The following ZNF680 variants were observed in gnomAD, a reference collection of about 807,000 sequenced individuals.
The protein encoded by ZNF680 is zinc finger protein 680.
ZNF680 carries 6 observed loss-of-function variants against 12.1 expected under a neutral mutation model. The ratio of observed to expected loss-of-function variants is 0.49; its 90% confidence interval spans 0.27 to 0.98. The LOEUF is 0.98. ZNF680 is among the 50% of genes least tolerant of loss of function. The probability of loss-of-function intolerance (pLI) is 0.12; values close to 1 mark genes in which losing one functional copy is unlikely to be tolerated. For missense variants in ZNF680, 561 were observed against 616.3 expected, an observed-to-expected ratio of 0.91 and a Z score of 0.95; for synonymous variants, 170 against 199.3, an observed-to-expected ratio of 0.85 and a Z score of 1.24.
Position 64,521,104 on chromosome 7 carries a change from T to G in ZNF680, c.*57A>C. On this transcript the variant is annotated 3_prime_UTR_variant, in exon 4 of 4. Transcript: ENST00000309683. ...ACAATCATTGGAAGGCTTTGTCAAA[T>G]TCTTCACATTTTTAGGGTTTCTCAA... The G allele has an allele frequency of 6.7e-6, 10 of 1,497,292 alleles. No homozygotes were observed. The highest frequency in any genetic ancestry group is 8.1e-6 in the Non-Finnish European group (9 of 1,113,574). The allele number at this position is 1,497,292 out of a possible 1,614,324, so 92.8% of individuals were successfully genotyped here. A position where few individuals can be genotyped will look rare whatever the true frequency, so the allele number is the denominator to read the frequency against.
the ZNF680 span, among the ~76,000 whole-genome samples, chr7:64,499,500 G>A: frequency 4.9e-4 from 74 of 152,348 alleles, no homozygotes; most frequent in African/African-American, 1.7e-3. Context: ...GCTGACGCCT[G>A]TAATCCCAAC....
At chr7:64,515,050 A>T (rs1041619768), downstream of ZNF680, among the ~76,000 whole-genome samples, 667 of 142,570 alleles carry the variant, frequency 4.7e-3, 12 homozygotes, top group African/African-American at 0.017. Context: ...TCACACACAC[A>T]CACACACACA....
At chr7:64,558,764 T>C (rs1584414078) in intron 1 of ZNF680, among the ~76,000 whole-genome samples, 1 of 150,646 alleles carries the variant, frequency 6.6e-6, no homozygotes, top group Non-Finnish European at 1.5e-5. Flanking sequence ...TTGCAAAGTT[T>C]AGGCAGAAAA....
intron 3 of ZNF680, chr7:64,525,067 TAAG>T (rs1366282908): frequency 6.6e-6 from 1 of 150,742 alleles, no homozygotes; most frequent in East Asian, 1.9e-4. Context: ...TATAAAGTCT[TAAG>T]AGATAATAAA....
chr7:64,527,674 A>C (rs1249593288), intron 3 of ZNF680, among the ~76,000 whole-genome samples: 1 of 152,058 alleles, frequency 6.6e-6, no homozygotes, highest in African/African-American at 2.4e-5. Flanking sequence ...CGGCCTGAGC[A>C]ACAACAGCAA....
intron 1 of ZNF680, among the ~76,000 whole-genome samples, chr7:64,553,285 T>C (rs993207377): frequency 3.3e-5 from 5 of 152,224 alleles, no homozygotes; most frequent in African/African-American, 4.8e-5. Context: ...TAATATGATT[T>C]ATATGATTTA....
At chr7:64,517,671 AAC>A (rs1791382430), downstream of ZNF680, among the ~76,000 whole-genome samples, 2 of 152,066 alleles carry the variant, frequency 1.3e-5, no homozygotes, top group African/African-American at 2.4e-5. Context: ...TGACCTAATG[AAC>A]ACAGAGGCTA....
chr7:64,545,095 C>G (rs2116496050), intron 1 of ZNF680, among the ~76,000 whole-genome samples: 1 of 151,296 alleles, frequency 6.6e-6, no homozygotes, highest in East Asian at 1.9e-4. Flanking sequence ...CCCATCTCTA[C>G]TAAAAAAAAA....
the ZNF680 span, among the ~76,000 whole-genome samples, chr7:64,507,284 G>T: frequency 1.3e-5 from 2 of 152,102 alleles, no homozygotes; most frequent in Non-Finnish European, 2.9e-5. Context: ...CCAGAGACTG[G>T]GGGTGGTTGG....
intron 3 of ZNF680, among the ~76,000 whole-genome samples, chr7:64,534,625 T>C (rs1411951789): frequency 3.3e-5 from 5 of 152,104 alleles, no homozygotes; most frequent in Admixed American, 6.6e-5. Context: ...GAACTAAAGG[T>C]AGAACTACCA....
At chr7:64,561,934 C>CCAAAAAAAAAAAAAAAAAAAAAAAA (rs1787763076) in intron 1 of ZNF680, among the ~76,000 whole-genome samples, 1 of 80,320 alleles carries the variant, frequency 1.2e-5, no homozygotes, top group East Asian at 2.8e-4. Context: ...GACTCCGTCT[C>CCAAAAAAAAAAAAAAAAAAAAAAAA]AAAAAAAAAA....
chr7:64,543,317 A>G (rs1162371555), intron 3 of ZNF680, among the ~76,000 whole-genome samples: 1 of 152,208 alleles, frequency 6.6e-6, no homozygotes, highest in Admixed American at 6.5e-5. Context: ...AAAAAAATGG[A>G]AAAGAAACCA....
chr7:64,500,866 G>A, the ZNF680 span: 1 of 521,650 alleles, frequency 1.9e-6, no homozygotes, highest in Non-Finnish European at 3.7e-6. Context: ...CTCGCTCCAT[G>A]AACTCCCATG....
Position 64,522,429 on chromosome 7 carries a change from G to T in ZNF680, c.325C>A (p.Leu109Met). The change falls in exon 4 of 4, where the codon CTG becomes ATG. Residue 109 changes from leucine to methionine, a missense_variant. Physicochemically the swap from Leu to Met is conservative, Grantham distance 15. Coordinates refer to ENST00000309683, the MANE Select transcript of ZNF680 (RefSeq NM_178558.5). ...TGTCCACATTTTCCATATCCTCTCA[G>T]TATCACTTTTTGAAAAGAATCTTTT... ...SIKDSFQKVI[L>M]RGYGKCGHEN... 6.2e-7 allele frequency: 1 copy of T among 1,602,998 alleles called. No homozygotes were observed. The highest frequency in any genetic ancestry group is 8.5e-7 in the Non-Finnish European group (1 of 1,175,970).
chr7:64,521,220 G>C lies in ZNF680; in HGVS notation c.1534C>G (p.His512Asp). 1 of 1,613,364 alleles carries C rather than the reference G, an allele frequency of 6.2e-7. No individual in the cohort carries two copies. The highest frequency in any genetic ancestry group is 8.5e-7 in the Non-Finnish European group (1 of 1,179,510). The stretch of plus-strand genomic sequence containing the variant: ...GGTTTGTAGAGTTTCTCACCAGTAT[G>C]AATTTTCTTATGTCTAGTAAGGTGT... ...SSHLTRHKKI[H>D]TGEKLYKPEK... is the part of the protein sequence containing the mutation. Residue 512 changes from histidine to aspartate, a missense_variant, in exon 4 of 4, where the codon CAT becomes GAT. Coordinates refer to ENST00000309683, the MANE Select transcript of ZNF680 (RefSeq NM_178558.5).
intron 1 of ZNF680, among the ~76,000 whole-genome samples, chr7:64,561,428 C>T (rs976014196): frequency 1.3e-5 from 2 of 152,054 alleles, no homozygotes; most frequent in African/African-American, 4.8e-5. Context: ...ATAAAGTTTC[C>T]AAAGGGAAAC....
intron 3 of ZNF680, among the ~76,000 whole-genome samples, chr7:64,536,611 C>T (rs1028597361): frequency 1.3e-5 from 2 of 152,210 alleles, no homozygotes; most frequent in Non-Finnish European, 2.9e-5. Flanking sequence ...TTAAGGATTA[C>T]ATTGCAACAT....
At chr7:64,519,111 C>G (rs1426456568), downstream of ZNF680, among the ~76,000 whole-genome samples, 1 of 151,854 alleles carries the variant, frequency 6.6e-6, no homozygotes, top group Non-Finnish European at 1.5e-5. Context: ...GACTAAGATC[C>G]AGAATCTACA....
intron 1 of ZNF680, among the ~76,000 whole-genome samples, chr7:64,549,087 T>C (rs570184667): frequency 6.8e-6 from 1 of 146,060 alleles, no homozygotes; most frequent in East Asian, 2.0e-4. Context: ...GCCATTGCAC[T>C]CCAGCCTGGG....
Sources: gnomAD v4.1 joint callset for allele counts (sites outside exome capture counted in the v4.1 genomes callset) on GRCh38, gnomAD v4.1.1 for gene constraint, MANE v1.5 for transcripts, NCBI Gene and HGNC (gene_info 2026-07-23, HGNC 2026-07-21) for gene names.